The following NMNAT1 variants were observed in gnomAD, a reference collection of about 807,000 sequenced individuals.
NMNAT1 encodes the protein nicotinamide nucleotide adenylyltransferase 1.
In NMNAT1, 11 loss-of-function variants were observed where a neutral mutation model predicts 16.7. The ratio of observed to expected loss-of-function variants is 0.66; its 90% CI spans 0.41 to 1.09. The LOEUF (loss-of-function observed/expected upper bound fraction) is 1.09. Ranked by LOEUF, NMNAT1 falls within the 50% of genes least tolerant of loss-of-function variation. The probability of loss-of-function intolerance (pLI) is 0.00; values close to 1 mark genes in which losing one functional copy is unlikely to be tolerated. For synonymous variants in NMNAT1, 110 were observed against 119.8 expected (o/e 0.92, Z 0.53); for missense variants, 280 against 332.3 (o/e 0.84, Z 1.22).
chr1:9,944,789 A>G (rs1640930210), intron 1 of NMNAT1, among the ~76,000 whole-genome samples: 1 of 152,242 alleles, frequency 6.6e-6, no homozygotes, highest in Non-Finnish European at 1.5e-5. Context: ...TGATTATGGA[A>G]TCTCTTTATT....
Position 9,947,959 on chromosome 1 carries a change from G to C in NMNAT1, c.-57+4444G>C, listed in dbSNP as rs564452507. The stretch of plus-strand genomic sequence containing the variant: ...CTCTGCTCAAAGCCCTGCAGTGGTT[G>C]ATGAGGTCTAGAGAATGTGTTGTTT... On this transcript the variant is annotated intron_variant, in intron 1 of 4. Transcript: ENST00000377205. 1.1e-3 allele frequency among the ~76,000 whole-genome samples: 174 copies of C among 152,294 alleles called. 3 individuals are homozygous for C. The highest frequency in any genetic ancestry group is 0.01 in the Middle Eastern group (3 of 294).
chr1:9,986,418 A>G, downstream of NMNAT1, among the ~76,000 whole-genome samples: 1 of 152,210 alleles, frequency 6.6e-6, no homozygotes, highest in Admixed American at 6.5e-5. Flanking sequence ...ACATTAATAC[A>G]AGTATATCAG....
Position 9,982,523 on chromosome 1 carries a change from T to C in NMNAT1, c.662T>C (p.Ile221Thr). 6.2e-7 allele frequency: 1 copy of C among 1,614,088 alleles called. No individual in the cohort carries two copies. The highest frequency in any genetic ancestry group is 8.5e-7 in the Non-Finnish European group (1 of 1,180,034). Reference sequence around the variant, plus strand: ...GTGAATGAATGGATCGCTAATGACATCTCATCCACAAAAATCCGGAGAGCC... The same window carrying C: ...GTGAATGAATGGATCGCTAATGACACCTCATCCACAAAAATCCGGAGAGCC... Reference protein sequence around the residue: ...HVVNEWIANDISSTKIRRALR... With the variant: ...HVVNEWIANDTSSTKIRRALR... Residue 221 changes from isoleucine (I) to threonine (T), a missense_variant, in exon 5 of 5, where the codon ATC becomes ACC. Ile to Thr is a moderately conservative substitution (Grantham distance 89). Coordinates refer to ENST00000377205, the MANE Select transcript of NMNAT1 (RefSeq NM_022787.4).
upstream of NMNAT1, chr1:9,943,377 C>CG (rs1230749525): frequency 6.6e-6 from 1 of 152,476 alleles, no homozygotes. Flanking sequence ...CGGACCGCGC[C>CG]GGGGGAGCAC....
downstream of NMNAT1, among the ~76,000 whole-genome samples, chr1:9,987,042 C>CA (rs1389184275): frequency 6.6e-6 from 1 of 151,602 alleles, no homozygotes; most frequent in East Asian, 1.9e-4. Flanking sequence ...ACTAAAAATA[C>CA]AAAAAATTAT....
intron 3 of NMNAT1, among the ~76,000 whole-genome samples, chr1:9,978,128 G>A (rs1432254762): frequency 2.6e-5 from 4 of 152,128 alleles, no homozygotes; most frequent in African/African-American, 9.7e-5. Flanking sequence ...AGGCCGAGGT[G>A]GGTGGATCAC....
At chr1:9,961,827 A>C (rs1641415716) in intron 1 of NMNAT1, among the ~76,000 whole-genome samples, 1 of 151,906 alleles carries the variant, frequency 6.6e-6, no homozygotes, top group Non-Finnish European at 1.5e-5. Context: ...GTTGGAGTGC[A>C]ATGGCATGAT....
chr1:9,957,728 C>T (rs1028380144), intron 1 of NMNAT1, among the ~76,000 whole-genome samples: 11 of 152,132 alleles, frequency 7.2e-5, no homozygotes, highest in Non-Finnish European at 1.5e-4. Flanking sequence ...AGTTTGAGTT[C>T]GGCTAATTAC....
At chr1:9,949,541 C>T (rs1641059222) in intron 1 of NMNAT1, 1 of 150,656 alleles carries the variant, frequency 6.6e-6, no homozygotes, top group Admixed American at 6.7e-5. Context: ...TCCCGAGTAG[C>T]TAGGATTATA....
At chr1:9,951,133 C>T (rs1034889650) in intron 1 of NMNAT1, 6 of 150,934 alleles carry the variant, frequency 4.0e-5, no homozygotes, top group African/African-American at 1.5e-4. Context: ...ATTCTCCTTG[C>T]AACATCACAG....
the NMNAT1 span, among the ~76,000 whole-genome samples, chr1:9,994,814 A>G: frequency 6.6e-6 from 1 of 151,462 alleles, no homozygotes; most frequent in Non-Finnish European, 1.5e-5. Flanking sequence ...GGGTTTCACC[A>G]TGTTAGCCAG....
At chr1:9,986,049 AC>A (rs1336472005), downstream of NMNAT1, among the ~76,000 whole-genome samples, 1 of 151,992 alleles carries the variant, frequency 6.6e-6, no homozygotes, top group East Asian at 1.9e-4. Context: ...CTTTAATGAA[AC>A]TGTCACCTCG....
intron 1 of NMNAT1, among the ~76,000 whole-genome samples, chr1:9,969,617 G>A (rs917644288): frequency 4.6e-5 from 7 of 152,088 alleles, no homozygotes; most frequent in African/African-American, 1.7e-4. Flanking sequence ...TGGGTGTGGT[G>A]GTGCATGCCT....
chr1:9,992,136 G>A, the NMNAT1 span, among the ~76,000 whole-genome samples: 1 of 148,824 alleles, frequency 6.7e-6, no homozygotes, highest in South Asian at 2.1e-4. Flanking sequence ...AGGCTGGAGT[G>A]CAATGGTTCC....
chr1:9,944,956 G>A (rs767611765), intron 1 of NMNAT1, among the ~76,000 whole-genome samples: 13 of 152,204 alleles, frequency 8.5e-5, no homozygotes, highest in Non-Finnish European at 1.5e-4. Context: ...AAAGTCGGCC[G>A]GGTGCAGTGG....
At chr1:9,962,953 T>C (rs1641460765) in intron 1 of NMNAT1, among the ~76,000 whole-genome samples, 1 of 152,110 alleles carries the variant, frequency 6.6e-6, no homozygotes, top group Non-Finnish European at 1.5e-5. Context: ...AGTGCTGGGA[T>C]TACAGGTGTG....
the NMNAT1 span, among the ~76,000 whole-genome samples, chr1:9,993,276 C>T: frequency 2.6e-5 from 4 of 151,972 alleles, no homozygotes; most frequent in Non-Finnish European, 2.9e-5. Flanking sequence ...GTCAGGAGTT[C>T]GAGATCAGCC....
chr1:9,969,047 A>T (rs964780885), intron 1 of NMNAT1, among the ~76,000 whole-genome samples: 9 of 152,052 alleles, frequency 5.9e-5, no homozygotes, highest in African/African-American at 2.2e-4. Flanking sequence ...GAAGCCAGGC[A>T]GCCTAATATC....
chr1:9,986,578 C>CA (rs201259997), downstream of NMNAT1, among the ~76,000 whole-genome samples: 748 of 152,152 alleles, frequency 4.9e-3, 4 homozygotes, highest in African/African-American at 0.017. Flanking sequence ...GAAAAACAAA[C>CA]AAATAAACAA....
Sources: allele counts gnomAD v4.1 joint callset (sites outside exome capture counted in the v4.1 genomes callset), GRCh38; gene constraint gnomAD v4.1.1; transcripts MANE v1.5; gene names NCBI Gene and HGNC (gene_info 2026-07-23, HGNC 2026-07-21).